ADGRV1: variants seen among roughly 807,000 people sequenced by gnomAD.
ADGRV1 encodes the protein G-protein coupled receptor 98.
ADGRV1 carries 359 observed loss-of-function variants against 596.2 expected under a neutral mutation model. The ratio of observed to expected loss-of-function variants is 0.60; its 90% confidence interval spans 0.55 to 0.66. The LOEUF is 0.66. Among genes scored for constraint, ADGRV1 ranks in the 30% least tolerant of loss-of-function variants. The pLI is 0.00. For missense variants in ADGRV1, 7,274 were observed against 7,575.6 expected (o/e 0.96, Z 1.48); for synonymous variants, 2,681 against 2,679.2 (o/e 1.00, Z -0.02).
At chr5:90,757,240 T>C in intron 57 of ADGRV1, 79 bp downstream of exon 57, 2 of 1,079,056 alleles carry the variant, frequency 1.9e-6, no homozygotes, top group South Asian at 2.7e-5. Context: ...TGAATGTACA[T>C]TGGTGATTGC....
intron 85 of ADGRV1, among the ~76,000 whole-genome samples, chr5:91,054,809 C>T (rs141170539): frequency 2.0e-4 from 30 of 152,266 alleles, no homozygotes; most frequent in African/African-American, 6.5e-4. Context: ...TACAAACATT[C>T]AAACCACTGC....
At chr5:90,905,369 A>G (rs11743775) in intron 83 of ADGRV1, among the ~76,000 whole-genome samples, 38,662 of 151,988 alleles carry the variant, frequency 0.25, 5,509 homozygotes, top group Non-Finnish European at 0.33. Flanking sequence ...ATCCATGAAC[A>G]TGGAATATCT....
rs186237746 is a variant in ADGRV1 at position 91,080,049 on chromosome 5, A to G, written c.18310+7445A>G. 5.8e-3 allele frequency among the ~76,000 whole-genome samples: 884 copies of G among 151,744 alleles called. 8 individuals are homozygous for G. Among genetic ancestry groups the G allele is most frequent in the African/African-American group, 0.019 (767 of 41,424 alleles). ...TTCACGTATGTTATCTCAGTTTAATATATATATATATGTACATAATATCTG... is the reference window on the plus strand; with the variant it reads ...TTCACGTATGTTATCTCAGTTTAATGTATATATATATGTACATAATATCTG... On this transcript the variant is annotated intron_variant, in intron 86 of 89. Transcript: ENST00000405460.
chr5:90,774,494 G>A (rs1475515907), intron 60 of ADGRV1, among the ~76,000 whole-genome samples, 191 bp downstream of exon 60: 1 of 152,116 alleles, frequency 6.6e-6, no homozygotes, highest in African/African-American at 2.4e-5. Context: ...TCTTGGTAAG[G>A]TCATAGGTCA....
Position 90,811,169 on chromosome 5 carries a change from C to T in ADGRV1, c.15909C>T (p.Phe5303=), listed in dbSNP as rs754492973. Residue 5303 remains phenylalanine (F), a synonymous_variant, in exon 74 of 90, where the codon TTC becomes TTT. Transcript: ENST00000405460. The stretch of plus-strand genomic sequence containing the variant: ...AAGAACAAACTCTTACCCTTATATT[C>T]CTAGATGGAGAAAGAGAACGTAAAG... ...DFEEQTLTLI[F]LDGERERKVS... is the part of the protein sequence containing the mutation. 6.2e-7 allele frequency: 1 copy of T among 1,613,606 alleles called. No individual in the cohort carries two copies. The highest frequency in any genetic ancestry group is 8.5e-7 in the Non-Finnish European group (1 of 1,179,774).
intron 82 of ADGRV1, 32 bp downstream of exon 82, chr5:90,855,933 TA>T: frequency 6.5e-7 from 1 of 1,527,078 alleles, no homozygotes; most frequent in East Asian, 2.3e-5. Flanking sequence ...TCAATGGTTA[TA>T]AATATTTATG....
chr5:90,848,726 C>T lies in ADGRV1; in HGVS notation c.17109C>T (p.Arg5703=), dbSNP rs777970765. Residue 5703 remains arginine, a synonymous_variant, in exon 79 of 90, where the codon CGC becomes CGT. Coordinates refer to ENST00000405460, the MANE Select transcript of ADGRV1 (RefSeq NM_032119.4). Reference sequence around the variant, plus strand: ...TTTGTTCTCTTATTAACCCAAAGCGCAAGGACACTAGGGGATTCAGTCACT... The same window carrying T: ...TTTGTTCTCTTATTAACCCAAAGCGTAAGGACACTAGGGGATTCAGTCACT... ...EILCSLINPK[R]KDTRGFSHFA... The T allele has an allele frequency of 3.1e-6, 5 of 1,588,602 alleles. No individual in the cohort carries two copies. The highest frequency in any genetic ancestry group is 3.6e-5 in the Admixed American group (2 of 55,308).
chr5:91,059,530 A>G (rs1018604511), intron 85 of ADGRV1, among the ~76,000 whole-genome samples: 12 of 152,216 alleles, frequency 7.9e-5, no homozygotes, highest in Non-Finnish European at 1.5e-4. Context: ...ACATCTGTCT[A>G]TCTAGCTCAT....
intron 75 of ADGRV1, among the ~76,000 whole-genome samples, chr5:90,820,139 C>G (rs375169279): frequency 0.041 from 6,249 of 150,906 alleles, 439 homozygotes; most frequent in African/African-American, 0.15. Flanking sequence ...GTTAGCTCTT[C>G]TTGTTGAATT....
At chr5:90,761,203 A>ATAACTGCT (rs5869519) in intron 58 of ADGRV1, among the ~76,000 whole-genome samples, 10 of 151,204 alleles carry the variant, frequency 6.6e-5, no homozygotes, top group Non-Finnish European at 1.3e-4. Flanking sequence ...AATATAACAA[A>ATAACTGCT]TAAGGATTTG....
chr5:90,806,293 G>A (rs1338826291), intron 72 of ADGRV1, among the ~76,000 whole-genome samples: 6 of 152,154 alleles, frequency 3.9e-5, no homozygotes, highest in African/African-American at 9.7e-5. Flanking sequence ...AATTAGCTGC[G>A]TGATTGAGAG....
In ADGRV1 at chr5:90,668,273, G is replaced by A. The variant is rs571664197; in HGVS notation, c.4753-4273G>A. ...TAGCAATCAGCGAGACTCCATGGGTGTAGGACCCTCTGAGCCAGGTGCGGG... is the reference window on the plus strand; with the variant it reads ...TAGCAATCAGCGAGACTCCATGGGTATAGGACCCTCTGAGCCAGGTGCGGG... On this transcript the variant is annotated intron_variant, in intron 21 of 89. Transcript: ENST00000405460. Among the ~76,000 whole-genome samples the A allele has an allele frequency of 3.9e-5, 6 of 152,278 alleles. No individual in the cohort carries two copies. The East Asian group carries it at 7.7e-4, about 20-fold the overall frequency.
intron 85 of ADGRV1, among the ~76,000 whole-genome samples, chr5:90,988,370 A>G (rs988875174): frequency 4.6e-5 from 7 of 152,230 alleles, no homozygotes; most frequent in Non-Finnish European, 1.0e-4. Context: ...AAATATAGAC[A>G]AAGTCCAAAA....
chr5:90,729,863 A>C, intron 50 of ADGRV1, 99 bp downstream of exon 50: 1 of 1,252,478 alleles, frequency 8.0e-7, no homozygotes. Context: ...ATTGCCAGAC[A>C]CTGGGTATTT....
chr5:90,864,654 T>C (rs943190115), intron 83 of ADGRV1, among the ~76,000 whole-genome samples: 14 of 152,090 alleles, frequency 9.2e-5, no homozygotes, highest in Admixed American at 7.2e-4. Flanking sequence ...TGTTAAGGAC[T>C]AAAAAGGGCC....
intron 86 of ADGRV1, among the ~76,000 whole-genome samples, chr5:91,080,599 A>AAAAAAT (rs1247251130): frequency 6.6e-6 from 1 of 151,572 alleles, no homozygotes; most frequent in African/African-American, 2.4e-5. Context: ...AAAAAAAAAA[A>AAAAAAT]AAAAAAAAAA....
chr5:90,652,437 T>C lies in ADGRV1; in HGVS notation c.3508T>C (p.Tyr1170His). 6.2e-7 allele frequency: 1 copy of C among 1,613,434 alleles called. No homozygotes were observed. Among genetic ancestry groups the C allele is most frequent in the Non-Finnish European group, 8.5e-7 (1 of 1,179,528 alleles). The change falls in exon 19 of 90, where the codon TAT becomes CAT. Residue 1170 changes from tyrosine to histidine, a missense_variant. By Grantham distance (83) the Tyr-to-His change is moderately conservative. Transcript: ENST00000405460. ...TGCTTTGCAGCCTGGGCAGGAGTTC[T>C]ATGAAACTTCAGGAACTGTTAACTT... ...DSALQPGQEF[Y>H]ETSGTVNFMD...
In ADGRV1 at chr5:90,675,500, C is replaced by T. The variant is rs537394583; in HGVS notation, c.5313+55C>T. ...TTTGCACTTGTAAAACAGACATAAT[C>T]CTTCTCTGGAAGGGATATACACTGT... On this transcript the variant is annotated intron_variant, in intron 24 of 89. Coordinates refer to ENST00000405460, the MANE Select transcript of ADGRV1 (RefSeq NM_032119.4). The T allele has an allele frequency of 3.9e-5, 58 of 1,476,076 alleles. No individual in the cohort carries two copies. The South Asian group carries it at 6.9e-4, about 18-fold the overall frequency. The allele number at this position is 1,476,076 out of a possible 1,614,324, so 91.4% of individuals were successfully genotyped here.
At chr5:90,828,311 A>C (rs1437818363) in intron 76 of ADGRV1, among the ~76,000 whole-genome samples, 5 of 152,104 alleles carry the variant, frequency 3.3e-5, no homozygotes, top group Non-Finnish European at 5.9e-5. Flanking sequence ...AAAGAAATAA[A>C]AATAGAACCT....
Sources: gnomAD v4.1 joint callset for allele counts (sites outside exome capture counted in the v4.1 genomes callset) on GRCh38, gnomAD v4.1.1 for gene constraint, MANE v1.5 for transcripts, NCBI Gene and HGNC (gene_info 2026-07-23, HGNC 2026-07-21) for gene names.